Variants in DOCK3 observed in about 807,000 individuals in gnomAD.
DOCK3 encodes dedicator of cytokinesis protein 3.
A neutral mutation model predicts 265.6 loss-of-function variants in DOCK3; 60 were observed. The ratio of observed to expected loss-of-function variants is 0.23; its 90% CI spans 0.18 to 0.28. The LOEUF is 0.28. Ranked by LOEUF, DOCK3 falls within the 10% of genes least tolerant of loss-of-function variation. The pLI, the probability that DOCK3 is intolerant of heterozygous loss-of-function variation, is 1.00. For missense variants in DOCK3, 1,981 were observed against 2,594.3 expected (o/e 0.76, Z 5.14); for synonymous variants, 881 against 938.0 (o/e 0.94, Z 1.11).
At chr3:50,702,903 G>A (rs2107832798) in intron 1 of DOCK3, among the ~76,000 whole-genome samples, 1 of 152,204 alleles carries the variant, frequency 6.6e-6, no homozygotes, top group African/African-American at 2.4e-5. Context: ...GTGAAAGTGG[G>A]CATCCTTGTC....
intron 5 of DOCK3, among the ~76,000 whole-genome samples, chr3:50,982,960 C>T (rs542427262): frequency 1.3e-5 from 2 of 152,308 alleles, no homozygotes; most frequent in Non-Finnish European, 2.9e-5. Flanking sequence ...GAAGACCGCT[C>T]ATTCCCCAAC....
At chr3:50,894,019 T>C (rs112213545) in intron 4 of DOCK3, among the ~76,000 whole-genome samples, 13,686 of 146,470 alleles carry the variant, frequency 0.093, 796 homozygotes, top group Non-Finnish European at 0.12. Flanking sequence ...TTAGGAGATA[T>C]ACCTAATGTA....
intron 4 of DOCK3, among the ~76,000 whole-genome samples, chr3:50,930,410 A>G (rs2050994934): frequency 6.6e-6 from 1 of 152,078 alleles, no homozygotes; most frequent in African/African-American, 2.4e-5. Context: ...CCCTGCCCAC[A>G]AGAGCCCAGG....
chr3:50,685,535 A>T (rs973488416), intron 1 of DOCK3: 1 of 152,840 alleles, frequency 6.5e-6, no homozygotes. Context: ...ACTGACATCT[A>T]TAGGAAAATT....
rs1434177762 is a variant in DOCK3, at chr3:51,341,291, C to T, written c.3821C>T (p.Pro1274Leu). 2 of 1,611,364 alleles carry T rather than the reference C, an allele frequency of 1.2e-6. No homozygotes were observed. Among genetic ancestry groups the T allele is most frequent in the Admixed American group, 3.3e-5 (2 of 59,840 alleles). ...YCELLQWEDRPLREFLHYPSQ... is the reference protein window; with the variant it reads ...YCELLQWEDRLLREFLHYPSQ... Reference sequence around the variant, plus strand: ...GAGCTGCTGCAGTGGGAGGACCGGCCACTACGGGAATTCCTCCACTACCCA... The same window carrying T: ...GAGCTGCTGCAGTGGGAGGACCGGCTACTACGGGAATTCCTCCACTACCCA... The change falls in exon 38 of 53, where the codon CCA becomes CTA. Residue 1274 changes from proline (P) to leucine (L), a missense_variant. Physicochemically the swap from Pro to Leu is moderately conservative, Grantham distance 98. This residue lies in a region of DOCK3 where 1,357 missense variants were observed against 1,866.8 expected (regional missense o/e 0.73). Transcript: ENST00000266037.
intron 1 of DOCK3, among the ~76,000 whole-genome samples, chr3:50,726,406 T>A (rs569454062): frequency 1.3e-5 from 2 of 152,150 alleles, no homozygotes; most frequent in African/African-American, 4.8e-5. Context: ...TATTGGAGAA[T>A]CCAGAAGTCC....
intron 2 of DOCK3, among the ~76,000 whole-genome samples, chr3:50,797,267 G>C (rs904137225): frequency 6.6e-6 from 1 of 152,000 alleles, no homozygotes; most frequent in African/African-American, 2.4e-5. Context: ...ATGGAGGTGG[G>C]GCGCTGTCAG....
At chr3:51,035,123 T>C (rs2080214672) in intron 5 of DOCK3, among the ~76,000 whole-genome samples, 1 of 152,140 alleles carries the variant, frequency 6.6e-6, no homozygotes, top group African/African-American at 2.4e-5. Context: ...TTAGAATTTC[T>C]AAATTTACAC....
At chr3:51,305,716 C>CTGTG (rs574341888) in intron 27 of DOCK3, among the ~76,000 whole-genome samples, 15 of 66,964 alleles carry the variant, frequency 2.2e-4, no homozygotes, top group African/African-American at 4.2e-4. Flanking sequence ...GTGTGTGTGT[C>CTGTG]TGTGTGTGTG....
chr3:51,341,534 C>A, intron 38 of DOCK3, 149 bp downstream of exon 38: 1 of 1,164,472 alleles, frequency 8.6e-7, no homozygotes, highest in Non-Finnish European at 1.2e-6. Context: ...GATGTGGAGG[C>A]AGCATGATTT....
At chr3:51,242,672 A>G (rs181124328) in intron 21 of DOCK3, among the ~76,000 whole-genome samples, 1 of 152,030 alleles carries the variant, frequency 6.6e-6, no homozygotes, top group Non-Finnish European at 1.5e-5. Context: ...AGGATCTGCT[A>G]TTCTCTGCAC....
At chr3:51,309,348 G>A (rs1375820140) in intron 27 of DOCK3, among the ~76,000 whole-genome samples, 5 of 152,364 alleles carry the variant, frequency 3.3e-5, no homozygotes, top group East Asian at 1.9e-4. Context: ...TCAGGAGGCC[G>A]AGGCTGGCGG....
At chr3:51,252,398 C>G (rs1383807908) in intron 22 of DOCK3, among the ~76,000 whole-genome samples, 5 of 152,092 alleles carry the variant, frequency 3.3e-5, no homozygotes, top group Admixed American at 1.3e-4. Flanking sequence ...ATTCTGTGAA[C>G]AAAGTCATTG....
intron 4 of DOCK3, among the ~76,000 whole-genome samples, chr3:50,906,448 A>C (rs1453928477): frequency 6.6e-6 from 1 of 151,952 alleles, no homozygotes; most frequent in South Asian, 2.1e-4. Flanking sequence ...AGAGCCTGTT[A>C]TTCGTCTATT....
At chr3:51,208,054 C>T (rs1439738185) in intron 12 of DOCK3, among the ~76,000 whole-genome samples, 2 of 152,174 alleles carry the variant, frequency 1.3e-5, no homozygotes, top group Non-Finnish European at 2.9e-5. Flanking sequence ...AAGGAAGACA[C>T]TAAAACATCA....
intron 49 of DOCK3, among the ~76,000 whole-genome samples, chr3:51,373,051 A>G (rs764629522): frequency 6.6e-6 from 1 of 152,218 alleles, no homozygotes; most frequent in Non-Finnish European, 1.5e-5. Flanking sequence ...CACTCAGACC[A>G]ACTGTGGAAA....
At chr3:50,866,203 A>G (rs142284933) in intron 3 of DOCK3, among the ~76,000 whole-genome samples, 30 of 151,972 alleles carry the variant, frequency 2.0e-4, no homozygotes, top group African/African-American at 6.5e-4. Context: ...ATTTTTTGTC[A>G]GGGTCAGGCG....
chr3:50,863,210 T>G (rs748977027), intron 3 of DOCK3, among the ~76,000 whole-genome samples: 14 of 152,132 alleles, frequency 9.2e-5, no homozygotes, highest in Non-Finnish European at 1.6e-4. Flanking sequence ...GTAGGGTATA[T>G]TTGCAGGGGA....
rs1197702938 is a variant in DOCK3, at chr3:50,675,349, C to G, written c.37+49C>G. 10 of 1,198,718 alleles carry G rather than the reference C, an allele frequency of 8.3e-6. No individual in the cohort carries two copies. The East Asian group carries it at 3.8e-4, about 45-fold the overall frequency. 74.3% of individuals were successfully genotyped at this position (1,198,718 alleles called of 1,614,324 possible). On this transcript the variant is annotated intron_variant, in intron 1 of 52. Transcript: ENST00000266037. The surrounding 1 kb of genome is among the most constrained non-coding windows in gnomAD (Gnocchi z 6.1). ...GTGGCGGGGGTTCTGGGGGACGCGC[C>G]CAGCTCCCGGCCCCGCCTGGATTCG...
Sources: gnomAD v4.1 joint callset for allele counts (sites outside exome capture counted in the v4.1 genomes callset) on GRCh38, gnomAD v4.1.1 for gene constraint, gnomAD v4.1.1 regional missense constraint, Gnocchi (gnomAD v3.1) non-coding constraint, MANE v1.5 for transcripts, NCBI Gene and HGNC (gene_info 2026-07-23, HGNC 2026-07-21) for gene names.